The following ABCA9 variants were observed in gnomAD, a reference collection of about 807,000 sequenced individuals.
ABCA9 encodes ATP-binding cassette sub-family A member 9.
ABCA9 carries 183 observed loss-of-function variants against 205.3 expected under a neutral mutation model. The observed-to-expected ratio is 0.89, with a 90% confidence interval of 0.79 to 1.01. ABCA9 has a LOEUF of 1.01. Ranked by LOEUF, ABCA9 falls within the 50% of genes least tolerant of loss-of-function variation. The probability of loss-of-function intolerance (pLI) is 0.00; values close to 1 mark genes in which losing one functional copy is unlikely to be tolerated. For missense variants in ABCA9, 1,805 were observed against 1,912.4 expected (o/e 0.94, Z 1.05); for synonymous variants, 651 against 683.3 (o/e 0.95, Z 0.74).
At chr17:69,075,820 G>A in the ABCA9 span, among the ~76,000 whole-genome samples, 1 of 152,050 alleles carries the variant, frequency 6.6e-6, no homozygotes, top group African/African-American at 2.4e-5. Flanking sequence ...GATTGCTTTG[G>A]GGAGTATGGC....
intron 1 of ABCA9, among the ~76,000 whole-genome samples, chr17:69,052,553 T>A (rs941180761): frequency 6.6e-6 from 1 of 152,112 alleles, no homozygotes; most frequent in Non-Finnish European, 1.5e-5. Flanking sequence ...GTAGACAATA[T>A]GTAACGAGGG....
chr17:69,023,616 TAA>T lies in ABCA9; in HGVS notation c.2281+596_2281+597del, dbSNP rs1269018166. Reference sequence around the variant, plus strand: ...CAAACACATTTTTACAGAGTAAACTTAAGAAGCATTCTACCTCAAAACGCTTA... The same window carrying T: ...CAAACACATTTTTACAGAGTAAACTTGAAGCATTCTACCTCAAAACGCTTA... On this transcript the variant is annotated intron_variant, in intron 17 of 38. Coordinates refer to ENST00000340001, the MANE Select transcript of ABCA9 (RefSeq NM_080283.4). This position sits in a 1 kb window ranked among gnomAD's most constrained non-coding sequence, Gnocchi z 4.2. 2.6e-5 allele frequency among the ~76,000 whole-genome samples: 4 copies of T among 152,202 alleles called. No individual in the cohort carries two copies. The highest frequency in any genetic ancestry group is 9.6e-5 in the African/African-American group (4 of 41,464).
Position 68,984,974 on chromosome 17 carries a change from G to A in ABCA9, c.4290C>T (p.Cys1430=). The A allele has an allele frequency of 6.2e-7, 1 of 1,614,156 alleles. No individual in the cohort carries two copies. The highest frequency in any genetic ancestry group is 2.2e-5 in the East Asian group (1 of 44,884). ...GGTTCCCCAGGATGCTCAGCACAAA[G>A]CACAGCTGCAACGGGAGGAACAGCC... ...TLSEGIKRKL[C]FVLSILGNPS... The change falls in exon 34 of 39, where the codon TGC becomes TGT. Residue 1430 remains cysteine (C), a synonymous_variant. Transcript: ENST00000340001.
At chr17:69,035,513 A>G in intron 7 of ABCA9, 82 bp from the exon 8 acceptor site, 2 of 1,353,398 alleles carry the variant, frequency 1.5e-6, no homozygotes, top group Admixed American at 2.7e-5. Flanking sequence ...TTATAAAAGT[A>G]TATTTTATAT....
chr17:69,009,162 G>GA (rs1268349890), intron 23 of ABCA9, among the ~76,000 whole-genome samples: 2 of 152,152 alleles, frequency 1.3e-5, no homozygotes, highest in African/African-American at 2.4e-5. Flanking sequence ...AGGGGAAGAG[G>GA]AAATAGAGGC....
In ABCA9 at chr17:69,026,464, C is replaced by T; in HGVS notation, c.2054G>A (p.Arg685Lys). The change falls in exon 16 of 39, where the codon AGG becomes AAG. Residue 685 changes from arginine to lysine, a missense_variant. Physicochemically the swap from Arg to Lys is conservative, Grantham distance 26. Coordinates refer to ENST00000340001, the MANE Select transcript of ABCA9 (RefSeq NM_080283.4). ...CTTCCCATTGGATATGAACACCTTC[C>T]TGTCTAGTTAGAAATAATCAAAAGA... is the stretch of plus-strand genomic sequence containing the variant. ...FIDEADILAD[R>K]KVFISNGKLK... 6.2e-7 allele frequency: 1 copy of T among 1,611,886 alleles called. No homozygotes were observed. Among genetic ancestry groups the T allele is most frequent in the Non-Finnish European group, 8.5e-7 (1 of 1,178,334 alleles).
the ABCA9 span, among the ~76,000 whole-genome samples, chr17:69,075,877 G>A: frequency 1.4e-3 from 220 of 152,056 alleles, no homozygotes; most frequent in African/African-American, 5.0e-3. Context: ...ATATTTTTCT[G>A]TGTCATCTAT....
chr17:68,997,308 A>C (rs372252700), intron 25 of ABCA9, among the ~76,000 whole-genome samples: 4 of 152,176 alleles, frequency 2.6e-5, no homozygotes, highest in African/African-American at 9.6e-5. Flanking sequence ...TTCCAAGTGA[A>C]TTTATCAATG....
chr17:69,024,530 C>T (rs2070920981), intron 16 of ABCA9, among the ~76,000 whole-genome samples, 177 bp from the exon 17 acceptor site: 1 of 152,030 alleles, frequency 6.6e-6, no homozygotes, highest in Non-Finnish European at 1.5e-5. Flanking sequence ...TAAATCTATG[C>T]AACATGGCAG....
chr17:68,983,643 G>C (rs1005970114), intron 36 of ABCA9, 66 bp downstream of exon 36: 1 of 1,580,352 alleles, frequency 6.3e-7, no homozygotes, highest in Admixed American at 1.8e-5. Context: ...CTCTTATTCC[G>C]TCATCATAGC....
chr17:69,065,797 G>A (rs1472008122), upstream of ABCA9, among the ~76,000 whole-genome samples: 2 of 152,152 alleles, frequency 1.3e-5, no homozygotes, highest in Non-Finnish European at 2.9e-5. Flanking sequence ...TAATCCCCAT[G>A]TGTCGTGGGA....
At chr17:68,989,672 A>G (rs16973486) in intron 30 of ABCA9, 141 bp downstream of exon 30, 16,586 of 572,436 alleles carry the variant, frequency 0.029, 809 homozygotes, top group African/African-American at 0.16. Context: ...TATCATTTCA[A>G]CTGAGGCTTT....
At chr17:69,065,236 T>C (rs1164822518), upstream of ABCA9, among the ~76,000 whole-genome samples, 1 of 152,222 alleles carries the variant, frequency 6.6e-6, no homozygotes, top group African/African-American at 2.4e-5. Context: ...TTTTAACTAA[T>C]ACCTTCATCA....
rs1236987690 is a variant in ABCA9 at position 69,012,024 on chromosome 17, T to C, written c.3099A>G (p.Ala1033=). Residue 1033 remains alanine, a synonymous_variant, in exon 23 of 39, where the codon GCA becomes GCG. Coordinates refer to ENST00000340001, the MANE Select transcript of ABCA9 (RefSeq NM_080283.4). The part of the protein sequence containing the change: ...RSNTFFWIPM[A]ASFTPYIAMS... ...TTGCAATGTATGGAGTGAAAGAGGC[T>C]GCCATCGGTATCCAGAAGAAGGTGT... The C allele has an allele frequency of 6.2e-7, 1 of 1,613,324 alleles. No individual in the cohort carries two copies. Among genetic ancestry groups the C allele is most frequent in the East Asian group, 2.2e-5 (1 of 44,850 alleles).
upstream of ABCA9, among the ~76,000 whole-genome samples, chr17:69,061,562 C>A (rs1336769327): frequency 6.6e-6 from 1 of 152,152 alleles, no homozygotes; most frequent in Non-Finnish European, 1.5e-5. Flanking sequence ...CTGAAGCGAG[C>A]AGAATCTTTA....
chr17:69,017,832 A>G lies in ABCA9; in HGVS notation c.2768-43T>C, dbSNP rs369539042. 6.9e-6 allele frequency: 11 copies of G among 1,587,842 alleles called. No homozygotes were observed. The East Asian group carries it at 1.3e-4, about 19-fold the overall frequency. ...TTAAAGGAAGCAAAAATGAAATAAA[A>G]CAATAGTCAAGTAATATTAAAAATA... On this transcript the variant is annotated intron_variant, in intron 20 of 38. Coordinates refer to ENST00000340001, the MANE Select transcript of ABCA9 (RefSeq NM_080283.4).
At chr17:68,990,095 G>T (rs2069397689) in intron 29 of ABCA9, among the ~76,000 whole-genome samples, 165 bp from the exon 30 acceptor site, 2 of 152,136 alleles carry the variant, frequency 1.3e-5, no homozygotes, top group Admixed American at 6.5e-5. Flanking sequence ...CTACATTCCT[G>T]CAAGGAAAGG....
At chr17:68,981,943 T>G (rs192384439) in intron 37 of ABCA9, among the ~76,000 whole-genome samples, 15 of 144,450 alleles carry the variant, frequency 1.0e-4, no homozygotes, top group African/African-American at 3.8e-4. Flanking sequence ...TTTCATACAC[T>G]AACTCATCAG....
intron 1 of ABCA9, among the ~76,000 whole-genome samples, chr17:69,058,205 G>A (rs190272674): frequency 2.0e-5 from 3 of 152,324 alleles, no homozygotes; most frequent in African/African-American, 7.2e-5. Flanking sequence ...AATAAGGCCT[G>A]TGTTTTCACA....
Sources: gnomAD v4.1 joint callset for allele counts (sites outside exome capture counted in the v4.1 genomes callset) on GRCh38, gnomAD v4.1.1 for gene constraint, Gnocchi (gnomAD v3.1) non-coding constraint, MANE v1.5 for transcripts, NCBI Gene and HGNC (gene_info 2026-07-23, HGNC 2026-07-21) for gene names.